SLC47A2: variants seen among roughly 807,000 people sequenced by gnomAD.
The protein encoded by SLC47A2 is solute carrier family 47 member 2.
In SLC47A2, 52 loss-of-function variants were observed where a neutral mutation model predicts 67.7. The ratio of observed to expected loss-of-function variants is 0.77; its 90% confidence interval spans 0.61 to 0.97. The LOEUF is 0.97. SLC47A2 is among the 50% of genes least tolerant of loss of function. The pLI, the probability that SLC47A2 is intolerant of heterozygous loss-of-function variation, is 0.00. For synonymous variants in SLC47A2, 278 were observed against 292.9 expected, an observed-to-expected ratio of 0.95 and a Z score of 0.52; for missense variants, 676 against 712.3, an observed-to-expected ratio of 0.95 and a Z score of 0.58.
In SLC47A2 at chr17:19,706,684, C is replaced by T. The variant is rs763190604; in HGVS notation, c.805G>A (p.Glu269Lys). ...AVPSMLMICV[E>K]WWAYEIGSFL... is the part of the protein sequence containing the mutation. ...CTCCCGATCTCATAGGCCCACCACT[C>T]AACACAGATCATGAGCATGCTGGGG... The change falls in exon 9 of 17, where the codon GAG (glutamate) becomes AAG (lysine). Residue 269 changes from glutamate (E) to lysine (K), a missense_variant. Transcript: ENST00000433844. 2 of 1,610,774 alleles carry T rather than the reference C, an allele frequency of 1.2e-6. No homozygotes were observed. The highest frequency in any genetic ancestry group is 2.2e-5 in the South Asian group (2 of 90,836).
intron 13 of SLC47A2, among the ~76,000 whole-genome samples, chr17:19,697,465 T>C (rs570757714): frequency 3.9e-5 from 6 of 152,266 alleles, no homozygotes; most frequent in Admixed American, 3.9e-4. Flanking sequence ...CCAAAAAAAG[T>C]TCTATCTCTC....
Position 19,706,682 on chromosome 17 carries a change from C to T in SLC47A2, c.807G>A (p.Glu269=), listed in dbSNP as rs1188891632. The T allele has an allele frequency of 1.2e-6, 2 of 1,610,692 alleles. No homozygotes were observed. The highest frequency in any genetic ancestry group is 8.5e-7 in the Non-Finnish European group (1 of 1,178,966). The change falls in exon 9 of 17, where the codon GAG becomes GAA. Residue 269 remains glutamate, a synonymous_variant. Transcript: ENST00000433844. ...AGCTCCCGATCTCATAGGCCCACCA[C>T]TCAACACAGATCATGAGCATGCTGG... ...AVPSMLMICV[E]WWAYEIGSFL...
chr17:19,699,331 T>C (rs117842509), intron 13 of SLC47A2, among the ~76,000 whole-genome samples: 2,651 of 152,214 alleles, frequency 0.017, 47 homozygotes, highest in African/African-American at 0.038. Flanking sequence ...TACAAAATAA[T>C]AGAAAATTTA....
rs150225670 is a variant in SLC47A2, at chr17:19,706,728, G to T, written c.761C>A (p.Pro254His). 1.2e-6 allele frequency: 2 copies of T among 1,610,962 alleles called. No homozygotes were observed. The highest frequency in any genetic ancestry group is 1.3e-5 in the African/African-American group (1 of 74,704). ...GCTGGGGACAGCCAGGGAGAAGAAGGGGCCCCAGTCCTGCAGGCACTGGCT... is the reference window on the plus strand; with the variant it reads ...GCTGGGGACAGCCAGGGAGAAGAAGTGGCCCCAGTCCTGCAGGCACTGGCT... ...WSSQCLQDWG[P>H]FFSLAVPSML... is the part of the protein sequence containing the mutation. Residue 254 changes from proline to histidine, a missense_variant, in exon 9 of 17, where the codon CCC (proline) becomes CAC (histidine). Coordinates refer to ENST00000433844, the MANE Select transcript of SLC47A2 (RefSeq NM_001099646.3).
upstream of SLC47A2, chr17:19,717,388 T>TC (rs2086289834): frequency 6.6e-6 from 1 of 152,058 alleles, no homozygotes; most frequent in Non-Finnish European, 1.5e-5. Context: ...GGCCTGTGAC[T>TC]CCCCCCTCAA....
At chr17:19,695,421 G>A (rs1249298242) in intron 13 of SLC47A2, among the ~76,000 whole-genome samples, 1 of 145,382 alleles carries the variant, frequency 6.9e-6, no homozygotes, top group East Asian at 2.1e-4. Flanking sequence ...CAGGAGTTCT[G>A]TAGTGAGCTA....
rs1567637509 is a variant in SLC47A2 at position 19,713,407 on chromosome 17, A to ATC, written c.443+417_443+418insGA. On this transcript the variant is annotated intron_variant, in intron 4 of 16. Coordinates refer to ENST00000433844, the MANE Select transcript of SLC47A2 (RefSeq NM_001099646.3). The stretch of plus-strand genomic sequence containing the variant: ...TGTCTCAAGTAATAATAATAATAAT[A>ATC]ATAATAATCATCATCATCATCATCA... Among the ~76,000 whole-genome samples the ATC allele has an allele frequency of 1.9e-3, 269 of 143,938 alleles. 1 individual carries two copies. The highest frequency in any genetic ancestry group is 6.9e-3 in the African/African-American group (239 of 34,764). The allele number at this position is 143,938 out of a possible 152,430, so 94.4% of individuals were successfully genotyped here. A position where few individuals can be genotyped will look rare whatever the true frequency, so the allele number is the denominator to read the frequency against.
rs769826966 is a variant in SLC47A2, at chr17:19,715,116, G to A, written c.225C>T (p.Ala75=). The change falls in exon 2 of 17, where the codon GCC becomes GCT. Residue 75 remains alanine (A), a splice_region_variant and synonymous_variant. Coordinates refer to ENST00000433844, the MANE Select transcript of SLC47A2 (RefSeq NM_001099646.3). ...GCTCTGGGCCAAGCTGGGTACTCAC[G>A]GCCACCGCGAGGGTCACCGATGCCA... ...VELASVTLAV[A]FVNVCGVSVG... The A allele has an allele frequency of 2.7e-5, 43 of 1,611,418 alleles. No individual in the cohort carries two copies. The highest frequency in any genetic ancestry group is 3.3e-5 in the Non-Finnish European group (39 of 1,179,922).
At position 19,678,366 on chromosome 17, in the gene SLC47A2, C is replaced by G. The variant is rs1376663710; in HGVS notation, c.*320G>C. 2 of 304,224 alleles carry G rather than the reference C, an allele frequency of 6.6e-6. No homozygotes were observed. Among genetic ancestry groups the G allele is most frequent in the East Asian group, 6.2e-5 (1 of 16,164 alleles). The allele number at this position is 304,224 out of a possible 1,614,324, so 18.8% of individuals were successfully genotyped here. ...ATAACAGTGGTTTTTGTGATTTTAT[C>G]TGCAGTGTCCCATTTGAAGCCATTT... On this transcript the variant is annotated 3_prime_UTR_variant, in exon 17 of 17. Coordinates refer to ENST00000433844, the MANE Select transcript of SLC47A2 (RefSeq NM_001099646.3).
At chr17:19,704,822 CTTTTT>C (rs6146013) in intron 10 of SLC47A2, 575 of 273,354 alleles carry the variant, frequency 2.1e-3, no homozygotes, top group East Asian at 2.9e-3. Flanking sequence ...ATGGAATGTG[CTTTTT>C]TTTTTTTTTT....
intron 13 of SLC47A2, among the ~76,000 whole-genome samples, chr17:19,696,056 G>A (rs985187474): frequency 7.1e-6 from 1 of 140,934 alleles, no homozygotes; most frequent in African/African-American, 2.5e-5. Flanking sequence ...CTCAGTACCT[G>A]TGAATGTTAC....
At chr17:19,687,950 T>C (rs2085461491) in intron 13 of SLC47A2, among the ~76,000 whole-genome samples, 1 of 152,206 alleles carries the variant, frequency 6.6e-6, no homozygotes, top group African/African-American at 2.4e-5. Context: ...TGCTTAATTT[T>C]ACTAAACACT....
At chr17:19,688,418 G>A (rs918043008) in intron 13 of SLC47A2, among the ~76,000 whole-genome samples, 1 of 152,074 alleles carries the variant, frequency 6.6e-6, no homozygotes, top group Non-Finnish European at 1.5e-5. Context: ...CCAAACGGGA[G>A]AATTGGAAGC....
At chr17:19,694,190 T>A (rs1417815860) in intron 13 of SLC47A2, among the ~76,000 whole-genome samples, 1 of 152,196 alleles carries the variant, frequency 6.6e-6, no homozygotes, top group African/African-American at 2.4e-5. Flanking sequence ...AAGATGACAG[T>A]TCTGTCCAAA....
chr17:19,698,235 G>T (rs963976903), intron 13 of SLC47A2, among the ~76,000 whole-genome samples: 1 of 152,194 alleles, frequency 6.6e-6, no homozygotes, highest in Non-Finnish European at 1.5e-5. Flanking sequence ...GCATGGTAAA[G>T]TTGTCCACAA....
chr17:19,713,781 G>A, intron 4 of SLC47A2, 44 bp downstream of exon 4: 1 of 1,587,272 alleles, frequency 6.3e-7, no homozygotes, highest in Non-Finnish European at 8.6e-7. Flanking sequence ...CGGCGGCCCG[G>A]GTTTCCCAGC....
intron 13 of SLC47A2, among the ~76,000 whole-genome samples, chr17:19,691,244 T>C (rs1237585447): frequency 6.6e-6 from 1 of 152,168 alleles, no homozygotes; most frequent in Non-Finnish European, 1.5e-5. Flanking sequence ...CCAGCAATCC[T>C]GCTAGGTATA....
At chr17:19,710,578 G>A (rs1011727645) in intron 5 of SLC47A2, among the ~76,000 whole-genome samples, 6 of 151,512 alleles carry the variant, frequency 4.0e-5, no homozygotes, top group African/African-American at 1.2e-4. Flanking sequence ...TCAGCCTCCC[G>A]AGTAGCTGAG....
chr17:19,714,177 A>G (rs906304744), intron 3 of SLC47A2, among the ~76,000 whole-genome samples: 1 of 152,170 alleles, frequency 6.6e-6, no homozygotes, highest in Non-Finnish European at 1.5e-5. Context: ...GTTCTTCCAA[A>G]GCTCCAAGGA....
Sources: gnomAD v4.1 joint callset for allele counts (sites outside exome capture counted in the v4.1 genomes callset) on GRCh38, gnomAD v4.1.1 for gene constraint, MANE v1.5 for transcripts, NCBI Gene and HGNC (gene_info 2026-07-23, HGNC 2026-07-21) for gene names.